The following RIOK3 variants were observed in gnomAD, a reference collection of about 807,000 sequenced individuals.
RIOK3 encodes RIO kinase 3.
In RIOK3, 40 loss-of-function variants were observed where a neutral mutation model predicts 63.5. The observed-to-expected ratio is 0.63, with a 90% confidence interval of 0.49 to 0.82. The LOEUF (loss-of-function observed/expected upper bound fraction) is 0.82, where lower values mean the gene tolerates loss of function less well. Among genes scored for constraint, RIOK3 ranks in the 40% least tolerant of loss-of-function variants. The pLI, the probability that RIOK3 is intolerant of heterozygous loss-of-function variation, is 0.00. For missense variants in RIOK3, 557 were observed against 637.0 expected, an observed-to-expected ratio of 0.87 and a Z score of 1.35; for synonymous variants, 193 against 205.0, an observed-to-expected ratio of 0.94 and a Z score of 0.50.
At chr18:23,477,140 A>G (rs2057496712) in intron 10 of RIOK3, 39 bp from the exon 11 acceptor site, 6 of 1,611,422 alleles carry the variant, frequency 3.7e-6, no homozygotes, top group Non-Finnish European at 5.1e-6. Flanking sequence ...GTAAAATTTA[A>G]AATGTAAATA....
chr18:23,458,806 C>T (rs1022233604), intron 1 of RIOK3, among the ~76,000 whole-genome samples: 25 of 152,140 alleles, frequency 1.6e-4, no homozygotes, highest in African/African-American at 5.8e-4. Context: ...GAAAACGCAG[C>T]GGGTCTTCCC....
rs949269793 is a variant in RIOK3, at chr18:23,482,584, G to C, written c.*1305G>C. The C allele has an allele frequency of 1.5e-4, 23 of 151,544 alleles. No homozygotes were observed. Among genetic ancestry groups the C allele is most frequent in the African/African-American group, 5.3e-4 (22 of 41,248 alleles). 9.4% of individuals were successfully genotyped at this position (151,544 alleles called of 1,614,324 possible). A position where few individuals can be genotyped will look rare whatever the true frequency, so the allele number is the denominator to read the frequency against. ...TTTGAGCTATCTGGCCTTACTCTTA[G>C]TAGTTTTTAGTACGTGCTGGACACC... On this transcript the variant is annotated 3_prime_UTR_variant, in exon 13 of 13. Coordinates refer to ENST00000339486, the MANE Select transcript of RIOK3 (RefSeq NM_003831.5).
In RIOK3 at chr18:23,477,189, T is replaced by G. The variant is rs753865391; in HGVS notation, c.1265T>G (p.Ile422Ser). The change falls in exon 11 of 13, where the codon ATC becomes AGC. Residue 422 changes from isoleucine (I) to serine (S), a missense_variant. Ile to Ser is a moderately radical substitution (Grantham distance 142). Coordinates refer to ENST00000339486, the MANE Select transcript of RIOK3 (RefSeq NM_003831.5). The part of the protein sequence containing the change: ...MLWHAGKVWL[I>S]DVSQSVEPTH... ...TCTGTATTGAAATAGGTCTGGTTGA[T>G]CGATGTCAGTCAGTCAGTAGAACCT... The G allele has an allele frequency of 6.2e-7, 1 of 1,613,954 alleles. No homozygotes were observed. Among genetic ancestry groups the G allele is most frequent in the Non-Finnish European group, 8.5e-7 (1 of 1,179,942 alleles).
At position 23,463,024 on chromosome 18, in the gene RIOK3, C is replaced by T; in HGVS notation, c.124C>T (p.Gln42Ter). 1 of 1,609,734 alleles carries T rather than the reference C, an allele frequency of 6.2e-7. No homozygotes were observed. The change falls in exon 2 of 13, where the codon CAG (glutamine) becomes TAG (stop). Residue 42 changes from glutamine to a stop codon, truncating the protein, a stop_gained. Transcript: ENST00000339486. LOFTEE classifies it high-confidence loss of function. ...TTCTTTGGCTGATGTAATGAGTGAA[C>T]AGCTGGCCAAAGAATTGCAGTTAGA... is the stretch of plus-strand genomic sequence containing the variant. ...SCSLADVMSE[Q>*]LAKELQLEEE...
Position 23,473,418 on chromosome 18 carries a change from C to A in RIOK3, c.816-11C>A. 6.4e-7 allele frequency: 1 copy of A among 1,564,782 alleles called. No individual in the cohort carries two copies. The highest frequency in any genetic ancestry group is 8.7e-7 in the Non-Finnish European group (1 of 1,152,442). Reference sequence around the variant, plus strand: ...AACTTGTACTGACTTGATTTTTTTTCTTCCACTTAGCATGGAGGATGAAAA... The same window carrying A: ...AACTTGTACTGACTTGATTTTTTTTATTCCACTTAGCATGGAGGATGAAAA... On this transcript the variant is annotated splice_polypyrimidine_tract_variant and intron_variant, in intron 7 of 12. Transcript: ENST00000339486.
chr18:23,466,241 G>T lies in RIOK3; in HGVS notation c.652G>T (p.Ala218Ser), dbSNP rs2057406788. 1 of 1,611,256 alleles carries T rather than the reference G, an allele frequency of 6.2e-7. No homozygotes were observed. The highest frequency in any genetic ancestry group is 1.3e-5 in the African/African-American group (1 of 74,830). ...QHAYSEERRS[A>S]RLHEKKEHST... is the part of the protein sequence containing the mutation. Reference sequence around the variant, plus strand: ...TGCCTACTCAGAAGAACGTCGAAGTGCCCGCCTACATGAGAAAAAGGAGCA... The same window carrying T: ...TGCCTACTCAGAAGAACGTCGAAGTTCCCGCCTACATGAGAAAAAGGAGCA... Residue 218 changes from alanine to serine, a missense_variant, in exon 6 of 13, where the codon GCC (alanine) becomes TCC (serine). Ala to Ser is a moderately conservative substitution (Grantham distance 99). This residue lies in a region of RIOK3 where 243 missense variants were observed against 275.4 expected (regional missense o/e 0.88). Coordinates refer to ENST00000339486, the MANE Select transcript of RIOK3 (RefSeq NM_003831.5).
At chr18:23,472,549 T>C (rs1411779678) in intron 7 of RIOK3, among the ~76,000 whole-genome samples, 1 of 152,150 alleles carries the variant, frequency 6.6e-6, no homozygotes, top group East Asian at 1.9e-4. Flanking sequence ...TGACTGAAGC[T>C]CACTATTGGG....
chr18:23,464,393 T>C, intron 4 of RIOK3, 80 bp downstream of exon 4: 1 of 1,216,570 alleles, frequency 8.2e-7, no homozygotes, highest in Non-Finnish European at 1.2e-6. Context: ...CTTTTAGTTT[T>C]ATATTTTTCT....
chr18:23,466,906 G>T (rs1302887972), intron 6 of RIOK3, among the ~76,000 whole-genome samples: 1 of 151,936 alleles, frequency 6.6e-6, no homozygotes, highest in African/African-American at 2.4e-5. Flanking sequence ...GGAGGCTGAG[G>T]TGGGAGGATC....
At chr18:23,473,882 G>A (rs550766867) in intron 8 of RIOK3, among the ~76,000 whole-genome samples, 65 of 152,168 alleles carry the variant, frequency 4.3e-4, no homozygotes, top group African/African-American at 1.4e-3. Flanking sequence ...CTTTTATCAC[G>A]AAGTAAAACT....
At chr18:23,466,689 TAAAA>T (rs33997769) in intron 6 of RIOK3, among the ~76,000 whole-genome samples, 8 of 102,912 alleles carry the variant, frequency 7.8e-5, no homozygotes, top group African/African-American at 1.9e-4. Context: ...GACCCTGCCT[TAAAA>T]AAAAAAAAAA....
chr18:23,480,644 G>A lies in RIOK3; in HGVS notation c.1453-528G>A, dbSNP rs116740886. 6.7e-3 allele frequency among the ~76,000 whole-genome samples: 1,010 copies of A among 151,018 alleles called. 9 individuals carry two copies. The highest frequency in any genetic ancestry group is 0.023 in the African/African-American group (964 of 41,062). ...ATTAGGAATAACCTAGTTTTTAAGCGAGTAAAAATTACTGGCTCAGCCAGG... is the reference window on the plus strand; with the variant it reads ...ATTAGGAATAACCTAGTTTTTAAGCAAGTAAAAATTACTGGCTCAGCCAGG... On this transcript the variant is annotated intron_variant, in intron 12 of 12. Transcript: ENST00000339486.
chr18:23,457,494 G>A (rs1399060945), intron 1 of RIOK3, among the ~76,000 whole-genome samples: 1 of 152,180 alleles, frequency 6.6e-6, no homozygotes, highest in Non-Finnish European at 1.5e-5. Context: ...AATCAGAGTA[G>A]AGTATGGACT....
chr18:23,477,677 C>T (rs562957030), intron 11 of RIOK3, among the ~76,000 whole-genome samples: 3 of 151,052 alleles, frequency 2.0e-5, no homozygotes, highest in Admixed American at 6.6e-5. Context: ...GCAGGAGACT[C>T]ACTTGAACCT....
At chr18:23,465,318 C>T (rs1416298905) in intron 5 of RIOK3, among the ~76,000 whole-genome samples, 2 of 152,074 alleles carry the variant, frequency 1.3e-5, no homozygotes, top group African/African-American at 4.8e-5. Flanking sequence ...TTGTAGTGAG[C>T]CGAGATCGTG....
Position 23,482,626 on chromosome 18 carries a change from C to G in RIOK3, c.*1347C>G, listed in dbSNP as rs942737469. The G allele has an allele frequency of 2.0e-5, 3 of 152,044 alleles. No homozygotes were observed. The highest frequency in any genetic ancestry group is 2.9e-5 in the Non-Finnish European group (2 of 68,036). 9.4% of individuals were successfully genotyped at this position (152,044 alleles called of 1,614,324 possible). A position where few individuals can be genotyped will look rare whatever the true frequency, so the allele number is the denominator to read the frequency against. ...CTGGACACCACTTTTAAAAAGCAATCACTGTGCTAGAAAAGTATATTGGCT... is the reference window on the plus strand; with the variant it reads ...CTGGACACCACTTTTAAAAAGCAATGACTGTGCTAGAAAAGTATATTGGCT... On this transcript the variant is annotated 3_prime_UTR_variant, in exon 13 of 13. Transcript: ENST00000339486.
chr18:23,474,312 G>C (rs1440065162), intron 8 of RIOK3, among the ~76,000 whole-genome samples: 3 of 152,020 alleles, frequency 2.0e-5, no homozygotes, highest in Non-Finnish European at 4.4e-5. Context: ...AGGACTGCTT[G>C]AACCTAGGAG....
intron 1 of RIOK3, among the ~76,000 whole-genome samples, chr18:23,460,141 T>A (rs979269115): frequency 6.6e-6 from 1 of 152,212 alleles, no homozygotes; most frequent in Non-Finnish European, 1.5e-5. Context: ...AGGGTCTCAC[T>A]CTGTCACCCA....
intron 7 of RIOK3, among the ~76,000 whole-genome samples, chr18:23,469,062 G>T (rs188204761): frequency 6.6e-6 from 1 of 152,176 alleles, no homozygotes; most frequent in Non-Finnish European, 1.5e-5. Flanking sequence ...CGTCTCACAG[G>T]CCTCTTCACA....
Sources: allele counts gnomAD v4.1 joint callset (sites outside exome capture counted in the v4.1 genomes callset), GRCh38; gene constraint gnomAD v4.1.1; regional missense constraint gnomAD v4.1.1; transcripts MANE v1.5; gene names NCBI Gene and HGNC (gene_info 2026-07-23, HGNC 2026-07-21).